The following PKNOX2 variants were observed in gnomAD, a reference collection of about 807,000 sequenced individuals.
The protein encoded by PKNOX2 is homeobox protein PKNOX2.
PKNOX2 carries 14 observed loss-of-function variants against 53.1 expected under a neutral mutation model. That is an observed-to-expected ratio of 0.26 (90% CI 0.17 to 0.41). The LOEUF (loss-of-function observed/expected upper bound fraction) is 0.41. Ranked by LOEUF, PKNOX2 falls within the 10% of genes least tolerant of loss-of-function variation. The probability of loss-of-function intolerance (pLI) is 1.00; values close to 1 mark genes in which losing one functional copy is unlikely to be tolerated. For missense variants in PKNOX2, 496 were observed against 602.8 expected (o/e 0.82, Z 1.85); for synonymous variants, 257 against 242.8 (o/e 1.06, Z -0.54).
chr11:125,232,529 C>T (rs1444084384), intron 1 of PKNOX2, among the ~76,000 whole-genome samples: 2 of 152,202 alleles, frequency 1.3e-5, no homozygotes, highest in Non-Finnish European at 2.9e-5. Context: ...GAAACCTATC[C>T]AGTGTGATTC....
At chr11:125,253,484 C>T (rs1480267269) in intron 2 of PKNOX2, among the ~76,000 whole-genome samples, 1 of 152,104 alleles carries the variant, frequency 6.6e-6, no homozygotes, top group Admixed American at 6.5e-5. Flanking sequence ...TTCTGCTGCT[C>T]CTCATGTGCA....
intron 5 of PKNOX2, among the ~76,000 whole-genome samples, chr11:125,381,018 C>T (rs575756216): frequency 2.9e-4 from 44 of 152,234 alleles, no homozygotes; most frequent in African/African-American, 9.1e-4. Flanking sequence ...CCCAGGACCA[C>T]GCTGCAGCCA....
chr11:125,326,881 T>C (rs575397513), intron 2 of PKNOX2, among the ~76,000 whole-genome samples: 5 of 152,328 alleles, frequency 3.3e-5, no homozygotes, highest in South Asian at 2.1e-4. Flanking sequence ...CACACCTCCA[T>C]AGCTCACCCC....
chr11:125,182,763 G>A lies in PKNOX2; in HGVS notation c.-201+17987G>A, dbSNP rs1956224339. On this transcript the variant is annotated intron_variant, in intron 1 of 12. Transcript: ENST00000298282. ...TGGCCCATTTCATAGCACTGTCCTG[G>A]CCTGCCAGCAGCTACAGAGAAGGGC... 2.6e-5 allele frequency among the ~76,000 whole-genome samples: 4 copies of A among 152,146 alleles called. No individual in the cohort carries two copies. In the South Asian group the frequency reaches 8.3e-4, roughly 32 times the overall value.
At chr11:125,404,065 G>A (rs906643634) in intron 7 of PKNOX2, among the ~76,000 whole-genome samples, 9 of 152,150 alleles carry the variant, frequency 5.9e-5, no homozygotes, top group Admixed American at 3.9e-4. Flanking sequence ...GTTCTGCCCA[G>A]TGGCTAAGCA....
intron 2 of PKNOX2, among the ~76,000 whole-genome samples, chr11:125,300,920 C>T (rs1000937697): frequency 6.6e-6 from 1 of 152,166 alleles, no homozygotes; most frequent in African/African-American, 2.4e-5. Flanking sequence ...CAAATGAATA[C>T]ACTTCTGGCC....
chr11:125,238,980 G>C (rs769692209), intron 2 of PKNOX2, among the ~76,000 whole-genome samples: 67 of 152,136 alleles, frequency 4.4e-4, no homozygotes, highest in Admixed American at 7.2e-4. Flanking sequence ...TACTTCCCAG[G>C]ACTGCTATGA....
chr11:125,287,536 A>G (rs1946985317), intron 2 of PKNOX2, among the ~76,000 whole-genome samples: 1 of 151,840 alleles, frequency 6.6e-6, no homozygotes, highest in Admixed American at 6.6e-5. Flanking sequence ...GGGCCTCACC[A>G]TTTCCTCTTC....
chr11:125,369,211 G>A (rs181905249), intron 5 of PKNOX2, among the ~76,000 whole-genome samples: 36 of 152,282 alleles, frequency 2.4e-4, no homozygotes, highest in Admixed American at 1.2e-3. Flanking sequence ...CTCTGATCAC[G>A]GATCCTGGCA....
chr11:125,388,854 G>T (rs1463996677), intron 6 of PKNOX2, among the ~76,000 whole-genome samples: 1 of 152,140 alleles, frequency 6.6e-6, no homozygotes, highest in Admixed American at 6.5e-5. Context: ...TGCTCCCACA[G>T]CACCCCTACC....
intron 7 of PKNOX2, among the ~76,000 whole-genome samples, chr11:125,399,505 G>A (rs146063254): frequency 1.4e-4 from 21 of 152,310 alleles, no homozygotes; most frequent in Non-Finnish European, 2.6e-4. Flanking sequence ...GTGAGGCCTC[G>A]CCAAATGGAG....
intron 7 of PKNOX2, among the ~76,000 whole-genome samples, chr11:125,399,375 C>T (rs989943114): frequency 3.9e-5 from 6 of 152,166 alleles, no homozygotes; most frequent in African/African-American, 1.4e-4. Context: ...TAAAAGAGGA[C>T]AATAATTGCT....
intron 2 of PKNOX2, among the ~76,000 whole-genome samples, chr11:125,251,608 G>A (rs1259802191): frequency 1.3e-5 from 2 of 151,894 alleles, no homozygotes; most frequent in Non-Finnish European, 2.9e-5. Flanking sequence ...TGGGAGCTGA[G>A]ATCTACACAG....
intron 2 of PKNOX2, among the ~76,000 whole-genome samples, chr11:125,281,452 T>C (rs1008460359): frequency 6.6e-6 from 1 of 152,220 alleles, no homozygotes; most frequent in Non-Finnish European, 1.5e-5. Context: ...AGGGAGGAAC[T>C]TGCATGATAG....
chr11:125,402,378 G>A (rs945378714), intron 7 of PKNOX2, among the ~76,000 whole-genome samples: 2 of 152,088 alleles, frequency 1.3e-5, no homozygotes, highest in African/African-American at 2.4e-5. Context: ...CCTAGAGGGC[G>A]CAAATGGAAC....
At chr11:125,298,723 T>G (rs1192299331) in intron 2 of PKNOX2, among the ~76,000 whole-genome samples, 1 of 152,220 alleles carries the variant, frequency 6.6e-6, no homozygotes, top group Non-Finnish European at 1.5e-5. Context: ...GAATGAAGCC[T>G]ACAGTGCAAG....
chr11:125,346,820 G>GGGAA (rs1023094766), intron 3 of PKNOX2, among the ~76,000 whole-genome samples: 5 of 142,354 alleles, frequency 3.5e-5, no homozygotes, highest in African/African-American at 8.4e-5. Context: ...GATGGAAGGG[G>GGGAA]GGAAGGAAGG....
At chr11:125,217,336 A>G (rs1056022711) in intron 1 of PKNOX2, among the ~76,000 whole-genome samples, 1 of 152,066 alleles carries the variant, frequency 6.6e-6, no homozygotes, top group Non-Finnish European at 1.5e-5. Context: ...CTCTCACTCC[A>G]TGTAGTTTGC....
chr11:125,414,207 G>A (rs1424282401), intron 10 of PKNOX2, among the ~76,000 whole-genome samples: 1 of 152,196 alleles, frequency 6.6e-6, no homozygotes, highest in Non-Finnish European at 1.5e-5. Context: ...AGTAGTAGCT[G>A]AGCACAGAGT....
Sources: allele counts gnomAD v4.1 joint callset (sites outside exome capture counted in the v4.1 genomes callset), GRCh38; gene constraint gnomAD v4.1.1; transcripts MANE v1.5; gene names NCBI Gene and HGNC (gene_info 2026-07-23, HGNC 2026-07-21).